Variants in IBTK observed in about 807,000 individuals in gnomAD.
IBTK encodes inhibitor of Bruton tyrosine kinase.
Under a neutral mutation model 154.9 loss-of-function variants are expected in IBTK, and 83 were observed. The ratio of observed to expected loss-of-function variants is 0.54; its 90% CI spans 0.45 to 0.64. The LOEUF (loss-of-function observed/expected upper bound fraction) is 0.64. Ranked by LOEUF, IBTK falls within the 30% of genes least tolerant of loss-of-function variation. The pLI, the probability that IBTK is intolerant of heterozygous loss-of-function variation, is 0.00. For missense variants in IBTK, 1,332 were observed against 1,584.6 expected, an observed-to-expected ratio of 0.84 and a Z score of 2.71; for synonymous variants, 515 against 536.1, an observed-to-expected ratio of 0.96 and a Z score of 0.54.
intron 16 of IBTK, among the ~76,000 whole-genome samples, chr6:82,208,192 T>C (rs1769484300): frequency 6.6e-6 from 1 of 151,406 alleles, no homozygotes; most frequent in African/African-American, 2.4e-5. Context: ...TAATTATCTC[T>C]CTCTATATAT....
At position 82,240,616 on chromosome 6, in the gene IBTK, C is replaced by A; in HGVS notation, c.-130G>T. 1 of 744,436 alleles carries A rather than the reference C, an allele frequency of 1.3e-6. No homozygotes were observed. The highest frequency in any genetic ancestry group is 2.2e-6 in the Non-Finnish European group (1 of 463,290). 46.1% of individuals were successfully genotyped at this position (744,436 alleles called of 1,614,324 possible). Reference sequence around the variant, plus strand: ...TTACCTTTTTAGGATAATTTAAATCCTCCTGACAATAGTATAAAACTATAT... The same window carrying A: ...TTACCTTTTTAGGATAATTTAAATCATCCTGACAATAGTATAAAACTATAT... On this transcript the variant is annotated 5_prime_UTR_variant, in exon 2 of 29. It adds an upstream start codon to the 5' untranslated region. Coordinates refer to ENST00000306270, the MANE Select transcript of IBTK (RefSeq NM_015525.4).
At position 82,190,458 on chromosome 6, in the gene IBTK, C is replaced by T. The variant is rs535799430; in HGVS notation, c.3575+615G>A. Among the ~76,000 whole-genome samples, 3 of 152,226 alleles carry T rather than the reference C, an allele frequency of 2.0e-5. No homozygotes were observed. The South Asian group carries it at 6.2e-4, about 32-fold the overall frequency. ...AGTTACAAGAAAAGGAAGGATGGAACGGAAGCTGGAGTACAACCTATTTTA... is the reference window on the plus strand; with the variant it reads ...AGTTACAAGAAAAGGAAGGATGGAATGGAAGCTGGAGTACAACCTATTTTA... On this transcript the variant is annotated intron_variant, in intron 25 of 28. Transcript: ENST00000306270.
At chr6:82,179,592 A>C (rs1308394107) in intron 26 of IBTK, among the ~76,000 whole-genome samples, 2 of 152,238 alleles carry the variant, frequency 1.3e-5, no homozygotes, top group Non-Finnish European at 2.9e-5. Context: ...ATGATGAGTC[A>C]CATAAAAAGT....
chr6:82,176,983 T>C (rs9353054), intron 26 of IBTK, among the ~76,000 whole-genome samples: 67,352 of 151,910 alleles, frequency 0.44, 15,219 homozygotes, highest in East Asian at 0.74. Context: ...TTTTCTAATG[T>C]TTTTCACATG....
intron 17 of IBTK, 62 bp from the exon 18 acceptor site, chr6:82,202,707 A>G: frequency 1.2e-6 from 1 of 846,130 alleles, no homozygotes; most frequent in Non-Finnish European, 1.9e-6. Context: ...GCAAAATAAA[A>G]TACATTTATG....
chr6:82,224,555 A>G (rs1001282032), intron 6 of IBTK, among the ~76,000 whole-genome samples: 1 of 152,230 alleles, frequency 6.6e-6, no homozygotes, highest in Non-Finnish European at 1.5e-5. Context: ...ATGGTCTCTC[A>G]ATAGTGGCAT....
chr6:82,176,319 G>A (rs766497362), intron 26 of IBTK, among the ~76,000 whole-genome samples: 8 of 151,880 alleles, frequency 5.3e-5, no homozygotes, highest in African/African-American at 1.5e-4. Flanking sequence ...TCAGGAGTTC[G>A]AGACTAGCCT....
chr6:82,213,852 GGA>G (rs1769751951), intron 12 of IBTK, among the ~76,000 whole-genome samples: 1 of 152,130 alleles, frequency 6.6e-6, no homozygotes, highest in Non-Finnish European at 1.5e-5. Context: ...AGGGAGAAAG[GGA>G]GAGAGAGGAA....
chr6:82,216,470 C>T (rs1226076929), intron 10 of IBTK, among the ~76,000 whole-genome samples: 1 of 152,104 alleles, frequency 6.6e-6, no homozygotes, highest in Non-Finnish European at 1.5e-5. Flanking sequence ...TCTCAATTAT[C>T]CATGATTCCA....
chr6:82,246,066 G>T (rs1771132474), intron 1 of IBTK, among the ~76,000 whole-genome samples: 1 of 152,128 alleles, frequency 6.6e-6, no homozygotes, highest in African/African-American at 2.4e-5. Flanking sequence ...AGATTCATGT[G>T]AAAGTTTAAA....
Position 82,223,415 on chromosome 6 carries a change from G to A in IBTK, c.1124+25C>T, listed in dbSNP as rs201416050. The A allele has an allele frequency of 7.0e-5, 108 of 1,547,022 alleles. No homozygotes were observed. In the Middle Eastern group the frequency reaches 1.4e-3, roughly 20 times the overall value. On this transcript the variant is annotated intron_variant, in intron 8 of 28. Transcript: ENST00000306270. ...AGAGTTGAATTATTATTAAAATTAC[G>A]TTTCTTTCACAGAAATACACATACT... is the stretch of plus-strand genomic sequence containing the variant.
chr6:82,233,816 C>A (rs1770613110), intron 3 of IBTK, among the ~76,000 whole-genome samples: 1 of 150,602 alleles, frequency 6.6e-6, no homozygotes, highest in Non-Finnish European at 1.5e-5. Flanking sequence ...CAGGTTCAAG[C>A]AATACTCCTG....
At position 82,204,918 on chromosome 6, in the gene IBTK, C is replaced by T. The variant is rs146353999; in HGVS notation, c.2550G>A (p.Val850=). ...ACCGGGTTATGAGAAGTTGATCAGC[C>T]ACCACAAGAACACTACAAATAAAAT... ...NVDFICSVLV[V]ADQLLITRLK... is the part of the protein sequence containing the mutation. The change falls in exon 17 of 29, where the codon GTG becomes GTA. Residue 850 remains valine (V), a synonymous_variant. Transcript: ENST00000306270. 7.6e-5 allele frequency: 122 copies of T among 1,607,286 alleles called. No individual in the cohort carries two copies. The African/African-American group carries it at 1.3e-3, about 17-fold the overall frequency.
chr6:82,172,268 TA>T, intron 28 of IBTK, 111 bp downstream of exon 28: 1 of 1,055,318 alleles, frequency 9.5e-7, no homozygotes, highest in Non-Finnish European at 1.4e-6. Flanking sequence ...ATTTACATTT[TA>T]ATTTCATAGA....
intron 4 of IBTK, 32 bp downstream of exon 4, chr6:82,231,686 C>T: frequency 6.6e-7 from 1 of 1,526,088 alleles, no homozygotes; most frequent in Non-Finnish European, 8.8e-7. Flanking sequence ...TTTCTCATCT[C>T]TAAAAGTATA....
rs1390942620 is a variant in IBTK at position 82,227,237 on chromosome 6, A to T, written c.609T>A (p.His203Gln). Reference sequence around the variant, plus strand: ...CATGTCCTAATCGCCCTCCAGGACCATGACCACAGGTATAAACCTGCCCTT... The same window carrying T: ...CATGTCCTAATCGCCCTCCAGGACCTTGACCACAGGTATAAACCTGCCCTT... Reference protein sequence around the residue: ...SQKGQVYTCGHGPGGRLGHGD... With the variant: ...SQKGQVYTCGQGPGGRLGHGD... Residue 203 changes from histidine to glutamine, a missense_variant, in exon 5 of 29, where the codon CAT (histidine) becomes CAA (glutamine). Coordinates refer to ENST00000306270, the MANE Select transcript of IBTK (RefSeq NM_015525.4). The T allele has an allele frequency of 2.5e-6, 4 of 1,613,248 alleles. No individual in the cohort carries two copies.
chr6:82,230,254 T>C lies in IBTK; in HGVS notation c.543+1464A>G, dbSNP rs113428929. 5.4e-3 allele frequency among the ~76,000 whole-genome samples: 825 copies of C among 152,292 alleles called. 9 individuals carry two copies. Among genetic ancestry groups the C allele is most frequent in the African/African-American group, 0.019 (790 of 41,570 alleles). On this transcript the variant is annotated intron_variant, in intron 4 of 28. Coordinates refer to ENST00000306270, the MANE Select transcript of IBTK (RefSeq NM_015525.4). The stretch of plus-strand genomic sequence containing the variant: ...ATAAAAACACTCCAAGCTCATATTC[T>C]GGATCAAAGAAGTTTTATGAACTTC...
At chr6:82,222,914 A>C (rs1405947991) in intron 8 of IBTK, among the ~76,000 whole-genome samples, 1 of 148,272 alleles carries the variant, frequency 6.7e-6, no homozygotes, top group Admixed American at 6.7e-5. Flanking sequence ...AAAAAAAAAA[A>C]CAAAAACTTT....
At chr6:82,225,407 T>C (rs1255993627) in intron 6 of IBTK, 70 bp downstream of exon 6, 2 of 1,233,034 alleles carry the variant, frequency 1.6e-6, no homozygotes, top group East Asian at 4.8e-5. Flanking sequence ...TGTCAATAAC[T>C]TACATTTTTT....
Sources: gnomAD v4.1 joint callset for allele counts (sites outside exome capture counted in the v4.1 genomes callset) on GRCh38, gnomAD v4.1.1 for gene constraint, MANE v1.5 for transcripts, NCBI Gene and HGNC (gene_info 2026-07-23, HGNC 2026-07-21) for gene names.